NELL1: variants seen among roughly 807,000 people sequenced by gnomAD.
The protein encoded by NELL1 is protein kinase C-binding protein NELL1.
NELL1 carries 76 observed loss-of-function variants against 107.4 expected under a neutral mutation model. That is an observed-to-expected ratio of 0.71 (90% CI 0.59 to 0.86). The LOEUF (loss-of-function observed/expected upper bound fraction) is 0.86, where lower values mean the gene tolerates loss of function less well. Ranked by LOEUF, NELL1 falls within the 40% of genes least tolerant of loss-of-function variation. NELL1 has a pLI of 0.00. For synonymous variants in NELL1, 353 were observed against 341.2 expected (o/e 1.03, Z -0.38); for missense variants, 1,024 against 1,005.5 (o/e 1.02, Z -0.25).
chr11:21,011,514 C>T (rs1449015564), intron 12 of NELL1, among the ~76,000 whole-genome samples: 1 of 152,148 alleles, frequency 6.6e-6, no homozygotes, highest in South Asian at 2.1e-4. Flanking sequence ...CTTTATACCT[C>T]CACCCGGCTC....
chr11:20,967,038 T>TTTTTG (rs1851400739), intron 12 of NELL1, among the ~76,000 whole-genome samples: 1 of 152,114 alleles, frequency 6.6e-6, no homozygotes. Flanking sequence ...CACTGTTTTG[T>TTTTTG]TTTTGTTTTG....
At chr11:21,052,300 AC>A (rs1853512361) in intron 12 of NELL1, among the ~76,000 whole-genome samples, 1 of 151,974 alleles carries the variant, frequency 6.6e-6, no homozygotes, top group South Asian at 2.1e-4. Context: ...TGAAGTTGGG[AC>A]CACAGAAGAG....
At chr11:20,993,591 G>T (rs1835042961) in intron 12 of NELL1, among the ~76,000 whole-genome samples, 1 of 152,094 alleles carries the variant, frequency 6.6e-6, no homozygotes. Flanking sequence ...AAAGTCCACG[G>T]ATGTTCAAGT....
At chr11:21,136,204 A>T (rs1160179241) in intron 13 of NELL1, among the ~76,000 whole-genome samples, 1 of 152,098 alleles carries the variant, frequency 6.6e-6, no homozygotes, top group South Asian at 2.1e-4. Flanking sequence ...TTTCATTCAG[A>T]GGGAATACCA....
In NELL1 at chr11:21,198,952, T is replaced by A. The variant is rs192380161; in HGVS notation, c.1427-30380T>A. 1.7e-3 allele frequency among the ~76,000 whole-genome samples: 254 copies of A among 152,318 alleles called. 2 individuals are homozygous for A. Among genetic ancestry groups the A allele is most frequent in the African/African-American group, 5.9e-3 (244 of 41,580 alleles). ...TTTGTTATCTGGGATTAGAATGGCCTATTTTTGTCTCTAGATTGTAGGATC... is the reference window on the plus strand; with the variant it reads ...TTTGTTATCTGGGATTAGAATGGCCAATTTTTGTCTCTAGATTGTAGGATC... On this transcript the variant is annotated intron_variant, in intron 13 of 19. Coordinates refer to ENST00000357134, the MANE Select transcript of NELL1 (RefSeq NM_006157.5).
chr11:21,337,023 A>G (rs1395482974), intron 14 of NELL1, among the ~76,000 whole-genome samples: 1 of 152,076 alleles, frequency 6.6e-6, no homozygotes, highest in African/African-American at 2.4e-5. Flanking sequence ...TGATGTTGTA[A>G]GAAAGAACTT....
chr11:20,733,592 A>C (rs921969177), intron 2 of NELL1, among the ~76,000 whole-genome samples: 1 of 152,198 alleles, frequency 6.6e-6, no homozygotes, highest in Non-Finnish European at 1.5e-5. Flanking sequence ...CCATATGTAG[A>C]AGTTTATTTT....
intron 2 of NELL1, among the ~76,000 whole-genome samples, chr11:20,708,277 G>A (rs760890454): frequency 1.1e-4 from 16 of 152,212 alleles, no homozygotes; most frequent in Admixed American, 1.3e-4. Context: ...GGAATTCCCC[G>A]ATCCCTTGCA....
At chr11:20,793,373 A>G (rs1857111339) in intron 3 of NELL1, among the ~76,000 whole-genome samples, 1 of 151,804 alleles carries the variant, frequency 6.6e-6, no homozygotes, top group South Asian at 2.1e-4. Flanking sequence ...CTAATGTGTG[A>G]TATGTGTGTT....
intron 14 of NELL1, among the ~76,000 whole-genome samples, chr11:21,282,104 A>G (rs1849009156): frequency 6.6e-6 from 1 of 152,226 alleles, no homozygotes. Flanking sequence ...CTATCTGACA[A>G]GAGATTAATA....
intron 15 of NELL1, among the ~76,000 whole-genome samples, chr11:21,430,531 A>T (rs1369195607): frequency 6.6e-6 from 1 of 152,202 alleles, no homozygotes; most frequent in African/African-American, 2.4e-5. Flanking sequence ...GCACTAAGCA[A>T]ACTGGCTTTA....
At chr11:20,943,924 G>A (rs560403128) in intron 10 of NELL1, among the ~76,000 whole-genome samples, 46 of 152,268 alleles carry the variant, frequency 3.0e-4, no homozygotes, top group Admixed American at 2.7e-3. Context: ...CCTTGATAAA[G>A]GTAGCATTTA....
intron 12 of NELL1, among the ~76,000 whole-genome samples, chr11:20,983,622 A>G (rs912766721): frequency 5.3e-5 from 8 of 151,984 alleles, no homozygotes; most frequent in African/African-American, 1.7e-4. Flanking sequence ...ACTTGTTTTT[A>G]TCTACTGAGT....
chr11:21,036,839 T>A (rs75152201), intron 12 of NELL1, among the ~76,000 whole-genome samples: 3,695 of 152,200 alleles, frequency 0.024, 145 homozygotes, highest in African/African-American at 0.083. Flanking sequence ...TCCTTTGTTG[T>A]ATTTTTAGTC....
chr11:21,036,307 C>T (rs1853091588), intron 12 of NELL1, among the ~76,000 whole-genome samples: 1 of 152,076 alleles, frequency 6.6e-6, no homozygotes, highest in Non-Finnish European at 1.5e-5. Context: ...GGTCATACTG[C>T]CCAAAGCAGT....
At chr11:21,365,720 T>C (rs1451239751) in intron 14 of NELL1, among the ~76,000 whole-genome samples, 1 of 152,096 alleles carries the variant, frequency 6.6e-6, no homozygotes, top group African/African-American at 2.4e-5. Flanking sequence ...GCAAGTATTG[T>C]AGACTTCTGG....
At chr11:21,223,143 G>T (rs1264188936) in intron 13 of NELL1, among the ~76,000 whole-genome samples, 2 of 151,982 alleles carry the variant, frequency 1.3e-5, no homozygotes, top group East Asian at 3.9e-4. Context: ...GGTTGTTCAA[G>T]CCCCCTATCA....
At chr11:21,537,362 T>A (rs1348568662) in intron 16 of NELL1, among the ~76,000 whole-genome samples, 2 of 152,126 alleles carry the variant, frequency 1.3e-5, no homozygotes, top group African/African-American at 4.8e-5. Flanking sequence ...CCTATATATA[T>A]AAGGCTTTTT....
intron 13 of NELL1, among the ~76,000 whole-genome samples, chr11:21,191,682 A>G (rs112095055): frequency 6.6e-6 from 1 of 151,918 alleles, no homozygotes; most frequent in African/African-American, 2.4e-5. Flanking sequence ...TAAGATATCC[A>G]TTTTTGTGCA....
Sources: allele counts gnomAD v4.1 joint callset (sites outside exome capture counted in the v4.1 genomes callset), GRCh38; gene constraint gnomAD v4.1.1; transcripts MANE v1.5; gene names NCBI Gene and HGNC (gene_info 2026-07-23, HGNC 2026-07-21).